The following ZC3H12B variants were observed in gnomAD, a reference collection of about 807,000 sequenced individuals.
ZC3H12B encodes the protein zinc finger CCCH-type containing 12B.
A neutral mutation model predicts 43.9 loss-of-function variants in ZC3H12B; 7 were observed. The observed-to-expected ratio is 0.16, with a 90% CI of 0.09 to 0.30. The LOEUF (loss-of-function observed/expected upper bound fraction) is 0.30, where lower values mean the gene tolerates loss of function less well. ZC3H12B is among the 10% of genes least tolerant of loss of function. The pLI is 1.00. For missense variants in ZC3H12B, 475 were observed against 670.2 expected (o/e 0.71, Z 3.22); for synonymous variants, 222 against 241.7 (o/e 0.92, Z 0.76).
At chrX:65,260,151 A>G in the ZC3H12B span, among the ~76,000 whole-genome samples, 1 of 110,635 alleles carries the variant, frequency 9.0e-6, no homozygotes, top group African/African-American at 3.3e-5. Flanking sequence ...GTGCACCAAA[A>G]TCTCAGAAAT....
At chrX:65,285,281 T>C in the ZC3H12B span, among the ~76,000 whole-genome samples, 1 of 109,840 alleles carries the variant, frequency 9.1e-6, no homozygotes, top group African/African-American at 3.3e-5. Context: ...TCCCACCCTT[T>C]CCCTTGAGTG....
the ZC3H12B span, among the ~76,000 whole-genome samples, chrX:65,225,178 C>T: frequency 0.034 from 3,834 of 111,698 alleles, 196 homozygotes; most frequent in African/African-American, 0.12. Context: ...TGAGACAAAA[C>T]TTCCAGAGGA....
the ZC3H12B span, among the ~76,000 whole-genome samples, chrX:65,144,163 A>G: frequency 9.0e-6 from 1 of 111,558 alleles, no homozygotes; most frequent in Non-Finnish European, 1.9e-5. Flanking sequence ...TTTAATTACA[A>G]TTTCAATCTC....
chrX:65,328,847 C>T, the ZC3H12B span, among the ~76,000 whole-genome samples: 2 of 108,511 alleles, frequency 1.8e-5, no homozygotes, highest in Non-Finnish European at 3.8e-5. Context: ...TGGTTTCCAG[C>T]TTCATCCATG....
chrX:65,364,259 A>G (rs1181457216), upstream of ZC3H12B, among the ~76,000 whole-genome samples: 2 of 110,673 alleles, frequency 1.8e-5, no homozygotes, highest in Non-Finnish European at 3.8e-5. Flanking sequence ...AAGGAACTAC[A>G]TGTCAATGTT....
At chrX:65,317,770 C>A in the ZC3H12B span, among the ~76,000 whole-genome samples, 1 of 99,406 alleles carries the variant, frequency 1.0e-5, no homozygotes, top group African/African-American at 3.6e-5. Context: ...CACACACACA[C>A]TATATATATA....
the ZC3H12B span, among the ~76,000 whole-genome samples, chrX:65,199,736 G>A: frequency 1.8e-5 from 2 of 108,695 alleles, no homozygotes; most frequent in East Asian, 5.8e-4. Flanking sequence ...TGATGATAAT[G>A]GTTTCCAACT....
At chrX:65,115,882 C>T in the ZC3H12B span, among the ~76,000 whole-genome samples, 2 of 111,157 alleles carry the variant, frequency 1.8e-5, no homozygotes, top group Non-Finnish European at 3.8e-5. Flanking sequence ...CATGTCCTTT[C>T]CTTACTTTTT....
At chrX:65,171,849 G>A in the ZC3H12B span, among the ~76,000 whole-genome samples, 1 of 111,320 alleles carries the variant, frequency 9.0e-6, no homozygotes, top group African/African-American at 3.3e-5. Flanking sequence ...GACAAGTGTG[G>A]GATATAATCT....
chrX:65,349,346 C>T, the ZC3H12B span, among the ~76,000 whole-genome samples: 68 of 112,054 alleles, frequency 6.1e-4, 1 homozygote, highest in East Asian at 0.018. Context: ...GTACCAGAAT[C>T]TCAGACACAT....
At chrX:65,303,768 T>G in the ZC3H12B span, among the ~76,000 whole-genome samples, 1 of 112,523 alleles carries the variant, frequency 8.9e-6, no homozygotes, top group Non-Finnish European at 1.9e-5. Context: ...ACCTTGAGAA[T>G]TTTAAAAGTC....
At chrX:65,444,794 G>A (rs1235594959) in intron 3 of ZC3H12B, among the ~76,000 whole-genome samples, 1 of 111,998 alleles carries the variant, frequency 8.9e-6, no homozygotes, top group Admixed American at 9.5e-5. Context: ...AACTTTCTAT[G>A]CTGATCTCTC....
At chrX:65,132,862 G>C in the ZC3H12B span, among the ~76,000 whole-genome samples, 34 of 111,322 alleles carry the variant, frequency 3.1e-4, no homozygotes, top group African/African-American at 1.0e-3. Context: ...GTCTGTGATG[G>C]TCTAGGAGGC....
chrX:65,375,248 G>A (rs1232337476), intron 2 of ZC3H12B, among the ~76,000 whole-genome samples: 1 of 112,084 alleles, frequency 8.9e-6, no homozygotes, highest in Non-Finnish European at 1.9e-5. Flanking sequence ...GCCAATGGAG[G>A]AGGCATTTAG....
chrX:65,059,391 A>T, the ZC3H12B span, among the ~76,000 whole-genome samples: 1 of 111,452 alleles, frequency 9.0e-6, no homozygotes, highest in Non-Finnish European at 1.9e-5. Context: ...TTTCAATTTG[A>T]TTTTTGTATA....
At chrX:65,209,697 A>G in the ZC3H12B span, among the ~76,000 whole-genome samples, 1 of 110,166 alleles carries the variant, frequency 9.1e-6, no homozygotes, top group South Asian at 3.9e-4. Flanking sequence ...CCAAAACAGC[A>G]TGGTACTGGT....
intron 3 of ZC3H12B, among the ~76,000 whole-genome samples, chrX:65,459,151 TA>T (rs2067687952): frequency 8.9e-6 from 1 of 111,899 alleles, no homozygotes; most frequent in Non-Finnish European, 1.9e-5. Context: ...CTCCCAAGAC[TA>T]AACCAGGAAG....
the ZC3H12B span, among the ~76,000 whole-genome samples, chrX:65,114,493 T>C: frequency 9.1e-6 from 1 of 110,482 alleles, no homozygotes; most frequent in African/African-American, 3.3e-5. Context: ...AATAAACAGT[T>C]TATTTTACCT....
At chrX:65,179,377 G>C in the ZC3H12B span, among the ~76,000 whole-genome samples, 1 of 106,782 alleles carries the variant, frequency 9.4e-6, no homozygotes, top group African/African-American at 3.6e-5. Context: ...TGCATGTTCT[G>C]CACATGTATC....
Sources: allele counts gnomAD v4.1 joint callset (sites outside exome capture counted in the v4.1 genomes callset), GRCh38; gene constraint gnomAD v4.1.1; transcripts MANE v1.5; gene names NCBI Gene and HGNC (gene_info 2026-07-23, HGNC 2026-07-21).